The following PCCA variants were observed in gnomAD, a reference collection of about 807,000 sequenced individuals.
The protein encoded by PCCA is propionyl-CoA carboxylase alpha chain, mitochondrial.
In PCCA, 74 loss-of-function variants were observed where a neutral mutation model predicts 101.3. The observed-to-expected ratio is 0.73, with a 90% CI of 0.61 to 0.89. PCCA has a LOEUF of 0.89. Among genes scored for constraint, PCCA ranks in the 40% least tolerant of loss-of-function variants. The probability of loss-of-function intolerance (pLI) is 0.00; values close to 1 mark genes in which losing one functional copy is unlikely to be tolerated. For synonymous variants in PCCA, 294 were observed against 313.6 expected, an observed-to-expected ratio of 0.94 and a Z score of 0.66; for missense variants, 891 against 907.0, an observed-to-expected ratio of 0.98 and a Z score of 0.23.
intron 4 of PCCA, among the ~76,000 whole-genome samples, chr13:100,125,135 T>TGTGTG (rs2049825231): frequency 6.7e-6 from 1 of 149,126 alleles, no homozygotes; most frequent in African/African-American, 2.5e-5. Context: ...GACCTTTTAT[T>TGTGTG]TGTGTGTGTG....
intron 4 of PCCA, among the ~76,000 whole-genome samples, chr13:100,140,409 A>G (rs2051727851): frequency 6.6e-6 from 1 of 152,164 alleles, no homozygotes; most frequent in South Asian, 2.1e-4. Flanking sequence ...GGCAAAAAAG[A>G]ATAGAGCAAA....
At chr13:100,231,960 A>T (rs1484314917) in intron 7 of PCCA, among the ~76,000 whole-genome samples, 3 of 152,164 alleles carry the variant, frequency 2.0e-5, no homozygotes, top group Non-Finnish European at 4.4e-5. Flanking sequence ...TTTCTGTCTT[A>T]ATGTAGGTAA....
intron 16 of PCCA, among the ~76,000 whole-genome samples, chr13:100,312,986 A>AT (rs2067044455): frequency 6.6e-6 from 1 of 152,154 alleles, no homozygotes; most frequent in African/African-American, 2.4e-5. Context: ...AATTTTAGGT[A>AT]TTTTCAAATC....
intron 4 of PCCA, among the ~76,000 whole-genome samples, chr13:100,118,538 A>G (rs778413545): frequency 4.6e-5 from 7 of 152,112 alleles, no homozygotes; most frequent in Non-Finnish European, 7.4e-5. Context: ...CTACTTCATA[A>G]GTGATGTTCT....
In PCCA at chr13:100,116,190, T is replaced by G. The variant is rs377216420; in HGVS notation, c.300+4129T>G. Among the ~76,000 whole-genome samples the G allele has an allele frequency of 2.0e-5, 3 of 152,326 alleles. No homozygotes were observed. The East Asian group carries it at 5.8e-4, about 29-fold the overall frequency. Reference sequence around the variant, plus strand: ...AAGCCATGCTATTCAGATGTATTAATTTTTGCATGTTTGTTTTCAAGAGGT... The same window carrying G: ...AAGCCATGCTATTCAGATGTATTAAGTTTTGCATGTTTGTTTTCAAGAGGT... On this transcript the variant is annotated intron_variant, in intron 4 of 23. Transcript: ENST00000376285.
At position 100,133,776 on chromosome 13, in the gene PCCA, C is replaced by A. The variant is rs1198811878; in HGVS notation, c.301-21203C>A. The stretch of plus-strand genomic sequence containing the variant: ...GTGGACTGAGAGAGGCAGACCCACC[C>A]CCAATCTGGGTGGGCACCCTCTAAT... On this transcript the variant is annotated intron_variant, in intron 4 of 23. Transcript: ENST00000376285. 2.0e-5 allele frequency among the ~76,000 whole-genome samples: 3 copies of A among 152,220 alleles called. No homozygotes were observed. The East Asian group carries it at 5.8e-4, about 29-fold the overall frequency.
intron 21 of PCCA, among the ~76,000 whole-genome samples, chr13:100,467,519 C>T (rs1362481638): frequency 2.0e-5 from 3 of 152,112 alleles, no homozygotes; most frequent in African/African-American, 7.2e-5. Context: ...TACAGGTGCC[C>T]GCCACCATTC....
intron 20 of PCCA, among the ~76,000 whole-genome samples, chr13:100,441,988 T>C (rs1480844908): frequency 8.7e-6 from 1 of 115,352 alleles, no homozygotes; most frequent in African/African-American, 2.6e-5. Flanking sequence ...TTTCCTTTTT[T>C]CTTTTTTTTT....
chr13:100,253,040 A>G lies in PCCA; in HGVS notation c.638-4555A>G, dbSNP rs150747391. ...TCATTAGGTTCTCAGTTTAAATACT[A>G]GTTTTCTCAGAGAAGCATTTTCAAG... is the stretch of plus-strand genomic sequence containing the variant. On this transcript the variant is annotated intron_variant, in intron 8 of 23. Coordinates refer to ENST00000376285, the MANE Select transcript of PCCA (RefSeq NM_000282.4). Among the ~76,000 whole-genome samples, 34 of 152,312 alleles carry G rather than the reference A, an allele frequency of 2.2e-4. No individual in the cohort carries two copies. The East Asian group carries it at 6.6e-3, about 29-fold the overall frequency.
At chr13:100,338,370 C>A (rs2070809239) in intron 17 of PCCA, among the ~76,000 whole-genome samples, 1 of 152,134 alleles carries the variant, frequency 6.6e-6, no homozygotes, top group Non-Finnish European at 1.5e-5. Context: ...GCAGTGATGT[C>A]ATCACACAAT....
intron 4 of PCCA, among the ~76,000 whole-genome samples, chr13:100,143,242 A>G (rs1325001724): frequency 1.3e-5 from 2 of 152,106 alleles, no homozygotes; most frequent in East Asian, 3.9e-4. Context: ...GAGTTAAAAT[A>G]TCTTTGGCCA....
At chr13:100,521,961 TA>T (rs1341558129) in intron 22 of PCCA, among the ~76,000 whole-genome samples, 4 of 152,218 alleles carry the variant, frequency 2.6e-5, no homozygotes, top group African/African-American at 9.6e-5. Flanking sequence ...CCTTTTTCCA[TA>T]AAAATTCTTC....
intron 12 of PCCA, among the ~76,000 whole-genome samples, chr13:100,276,213 C>CAAA (rs59671834): frequency 0.083 from 8,294 of 99,486 alleles, 729 homozygotes; most frequent in Non-Finnish European, 0.12. Flanking sequence ...TTGTCTGTAC[C>CAAA]AAAAAAAAAA....
intron 21 of PCCA, chr13:100,480,307 C>T (rs2083789119): frequency 6.6e-6 from 1 of 152,176 alleles, no homozygotes; most frequent in Non-Finnish European, 1.5e-5. Flanking sequence ...TCAAACAAGG[C>T]ACCTTCTTGC....
At chr13:100,183,892 C>T (rs2057016653) in intron 6 of PCCA, among the ~76,000 whole-genome samples, 1 of 152,098 alleles carries the variant, frequency 6.6e-6, no homozygotes, top group Non-Finnish European at 1.5e-5. Flanking sequence ...CTTTTTCTGC[C>T]CTTTTCCTCA....
chr13:100,255,212 G>A (rs2061999273), intron 8 of PCCA, among the ~76,000 whole-genome samples: 1 of 152,172 alleles, frequency 6.6e-6, no homozygotes, highest in East Asian at 1.9e-4. Context: ...ATGCTGTGAT[G>A]CCAGCAGCAC....
intron 2 of PCCA, among the ~76,000 whole-genome samples, chr13:100,105,844 C>CAAAAAAAAAAAAAAAAAAAAAAAAA (rs71114671): frequency 4.8e-5 from 3 of 62,506 alleles, no homozygotes; most frequent in African/African-American, 6.7e-5. Flanking sequence ...GATCCTGTCT[C>CAAAAAAAAAAAAAAAAAAAAAAAAA]AAAAAAAAAA....
At chr13:100,306,503 A>G (rs147399226) in intron 14 of PCCA, among the ~76,000 whole-genome samples, 1 of 152,328 alleles carries the variant, frequency 6.6e-6, no homozygotes, top group Non-Finnish European at 1.5e-5. Context: ...CAAACTGGGA[A>G]ATGAAAACAA....
At chr13:100,502,091 T>C (rs2085728403) in intron 21 of PCCA, among the ~76,000 whole-genome samples, 1 of 152,200 alleles carries the variant, frequency 6.6e-6, no homozygotes, top group Non-Finnish European at 1.5e-5. Flanking sequence ...GACTATAATT[T>C]AGTGCTCACA....
Sources: allele counts gnomAD v4.1 joint callset (sites outside exome capture counted in the v4.1 genomes callset), GRCh38; gene constraint gnomAD v4.1.1; transcripts MANE v1.5; gene names NCBI Gene and HGNC (gene_info 2026-07-23, HGNC 2026-07-21).